AGAP1: variants seen among roughly 807,000 people sequenced by gnomAD.
AGAP1 encodes ArfGAP with GTPase domain, ankyrin repeat and PH domain 1, also known as arf-GAP with GTPase, ANK repeat and PH domain-containing protein 1.
AGAP1 carries 29 observed loss-of-function variants against 105.3 expected under a neutral mutation model. That is an observed-to-expected ratio of 0.28 (90% CI 0.21 to 0.38). The LOEUF (loss-of-function observed/expected upper bound fraction) is 0.38. AGAP1 is among the 10% of genes least tolerant of loss of function. The pLI, the probability that AGAP1 is intolerant of heterozygous loss-of-function variation, is 1.00. For missense variants in AGAP1, 998 were observed against 1,165.1 expected, an observed-to-expected ratio of 0.86 and a Z score of 2.09; for synonymous variants, 509 against 485.9, an observed-to-expected ratio of 1.05 and a Z score of -0.63.
At chr2:236,008,804 A>G (rs1425696537) in intron 13 of AGAP1, among the ~76,000 whole-genome samples, 2 of 152,238 alleles carry the variant, frequency 1.3e-5, no homozygotes, top group Admixed American at 6.5e-5. Context: ...TTTGCTGTAA[A>G]GAAAGAACCA....
rs1314195987 is a variant in AGAP1, at chr2:235,982,966, A to T, written c.1645+14343A>T. On this transcript the variant is annotated intron_variant, in intron 13 of 17. Coordinates refer to ENST00000304032, the MANE Select transcript of AGAP1 (RefSeq NM_001037131.3). The surrounding 1 kb of genome is among the most constrained non-coding windows in gnomAD (Gnocchi z 4.9). The stretch of plus-strand genomic sequence containing the variant: ...TAGGCCAAATCCAGTTCTTATTTTA[A>T]TTTTTTTTCCCAACCCCTAAAAAGC... 6.6e-6 allele frequency among the ~76,000 whole-genome samples: 1 copy of T among 151,794 alleles called. No individual in the cohort carries two copies. The highest frequency in any genetic ancestry group is 2.4e-5 in the African/African-American group (1 of 41,278).
chr2:235,763,050 GTA>G (rs202086519), intron 6 of AGAP1, among the ~76,000 whole-genome samples: 5 of 134,302 alleles, frequency 3.7e-5, no homozygotes, highest in African/African-American at 8.3e-5. Context: ...GTGTGTGTGT[GTA>G]TGTGTGCGCG....
intron 3 of AGAP1, among the ~76,000 whole-genome samples, chr2:235,735,669 T>A (rs916357889): frequency 2.0e-5 from 3 of 152,170 alleles, no homozygotes; most frequent in African/African-American, 7.2e-5. Context: ...TTGGTGGAAA[T>A]AACTCAGTTC....
chr2:235,693,248 A>C lies in AGAP1; in HGVS notation c.164-15931A>C, dbSNP rs531947214. Among the ~76,000 whole-genome samples, 3 of 152,244 alleles carry C rather than the reference A, an allele frequency of 2.0e-5. No homozygotes were observed. In the East Asian group the frequency reaches 5.8e-4, roughly 29 times the overall value. On this transcript the variant is annotated intron_variant, in intron 1 of 17. Coordinates refer to ENST00000304032, the MANE Select transcript of AGAP1 (RefSeq NM_001037131.3). ...CAGTGCAGTCTTTGCAAAGGGTTCA[A>C]GGGTCCTGAAGGTGGTGGCACTGTG...
intron 8 of AGAP1, among the ~76,000 whole-genome samples, chr2:235,802,465 G>A (rs929842967): frequency 8.8e-5 from 5 of 56,560 alleles, no homozygotes; most frequent in African/African-American, 3.8e-4. Flanking sequence ...ATCAGAAATT[G>A]AATCCAGCTG....
Position 235,962,238 on chromosome 2 carries a change from G to T in AGAP1, c.1484-6224G>T, listed in dbSNP as rs1003793484. On this transcript the variant is annotated intron_variant, in intron 12 of 17. Transcript: ENST00000304032. This position sits in a 1 kb window ranked among gnomAD's most constrained non-coding sequence, Gnocchi z 5.3. ...TGAAGGGCAGGCCAGAGGCCACTGAGGGGTACACTGACCACACAGAGGAGG... is the reference window on the plus strand; with the variant it reads ...TGAAGGGCAGGCCAGAGGCCACTGATGGGTACACTGACCACACAGAGGAGG... 3.3e-5 allele frequency among the ~76,000 whole-genome samples: 5 copies of T among 152,078 alleles called. No homozygotes were observed. The highest frequency in any genetic ancestry group is 6.6e-5 in the Admixed American group (1 of 15,264).
At chr2:235,757,711 G>A (rs996204731) in intron 6 of AGAP1, among the ~76,000 whole-genome samples, 4 of 152,140 alleles carry the variant, frequency 2.6e-5, no homozygotes, top group African/African-American at 4.8e-5. Flanking sequence ...AAGGTTGTGC[G>A]GGAAGTCAGG....
Position 235,517,934 on chromosome 2 carries a change from A to AC in AGAP1, c.163+23085_163+23086insC. Among the ~76,000 whole-genome samples the AC allele has an allele frequency of 1.2e-5, 1 of 83,818 alleles. No homozygotes were observed. Among genetic ancestry groups the AC allele is most frequent in the African/African-American group, 5.6e-5 (1 of 17,788 alleles). The allele number at this position is 83,818 out of a possible 152,430, so 55.0% of individuals were successfully genotyped here. A position where few individuals can be genotyped will look rare whatever the true frequency, so the allele number is the denominator to read the frequency against. ...GGTGACAGAGTGAGACTCCGTTTCA[A>AC]AAAAAAAAAAAAAGAAAAAAAAAAG... On this transcript the variant is annotated intron_variant, in intron 1 of 17. Transcript: ENST00000304032. This position sits in a 1 kb window ranked among gnomAD's most constrained non-coding sequence, Gnocchi z 4.1.
At chr2:235,807,100 C>T (rs1013618610) in intron 8 of AGAP1, 139 bp from the exon 9 acceptor site, 3 of 733,288 alleles carry the variant, frequency 4.1e-6, no homozygotes, top group East Asian at 5.7e-5. Flanking sequence ...GCTGTCTGCT[C>T]GTCGGACGTG....
Position 236,096,639 on chromosome 2 carries a change from C to T in AGAP1, c.2115-23553C>T, listed in dbSNP as rs1243202228. Among the ~76,000 whole-genome samples, 1 of 151,908 alleles carries T rather than the reference C, an allele frequency of 6.6e-6. No homozygotes were observed. Among genetic ancestry groups the T allele is most frequent in the Non-Finnish European group, 1.5e-5 (1 of 68,002 alleles). ...TGTCACCCAGGCTGGAGTGCAGTGGCATGATCTCATCTCACTGCAACCTCT... is the reference window on the plus strand; with the variant it reads ...TGTCACCCAGGCTGGAGTGCAGTGGTATGATCTCATCTCACTGCAACCTCT... On this transcript the variant is annotated intron_variant, in intron 16 of 17. Coordinates refer to ENST00000304032, the MANE Select transcript of AGAP1 (RefSeq NM_001037131.3). The surrounding 1 kb of genome is among the most constrained non-coding windows in gnomAD (Gnocchi z 4.4).
chr2:235,932,682 C>A (rs1447015774), intron 12 of AGAP1, among the ~76,000 whole-genome samples: 1 of 152,196 alleles, frequency 6.6e-6, no homozygotes, highest in Non-Finnish European at 1.5e-5. Flanking sequence ...TCATCCTATA[C>A]AGATTTTCCT....
At position 235,799,458 on chromosome 2, in the gene AGAP1, C is replaced by A. The variant is rs771462060; in HGVS notation, c.893C>A (p.Pro298His). ...TSQKELRIDV[P>H]PTANTPTPVR... is the part of the protein sequence containing the mutation. ...CAGAAGGAACTTCGGATCGATGTTC[C>A]TCCCACTGCCAACACGCCCACGCCC... Residue 298 changes from proline to histidine, a missense_variant, in exon 8 of 18, where the codon CCT (proline) becomes CAT (histidine). Coordinates refer to ENST00000304032, the MANE Select transcript of AGAP1 (RefSeq NM_001037131.3). This position sits in a 1 kb window ranked among gnomAD's most constrained non-coding sequence, Gnocchi z 5.0. 1 of 1,614,198 alleles carries A rather than the reference C, an allele frequency of 6.2e-7. No individual in the cohort carries two copies. Among genetic ancestry groups the A allele is most frequent in the Non-Finnish European group, 8.5e-7 (1 of 1,180,034 alleles).
rs1191497961 is a variant in AGAP1 at position 235,608,250 on chromosome 2, A to C, written c.164-100929A>C. On this transcript the variant is annotated intron_variant, in intron 1 of 17. Coordinates refer to ENST00000304032, the MANE Select transcript of AGAP1 (RefSeq NM_001037131.3). The surrounding 1 kb of genome is among the most constrained non-coding windows in gnomAD (Gnocchi z 5.4). The stretch of plus-strand genomic sequence containing the variant: ...ATCTTGCAGGGAAAGTGTGTTGGCA[A>C]ACATGCTGGATACTGTCAGAATCAG... Among the ~76,000 whole-genome samples the C allele has an allele frequency of 6.6e-6, 1 of 152,194 alleles. No homozygotes were observed. Among genetic ancestry groups the C allele is most frequent in the Non-Finnish European group, 1.5e-5 (1 of 68,038 alleles).
chr2:235,910,286 G>GGGCAGTCACTGAGCTGGTTACTTC (rs2051537777), intron 11 of AGAP1, among the ~76,000 whole-genome samples: 1 of 7,686 alleles, frequency 1.3e-4, no homozygotes, highest in Non-Finnish European at 2.2e-4. Flanking sequence ...TGCCTGTGTT[G>GGGCAGTCACTGAGCTGGTTACTTC]CAGGGGGGCG....
chr2:235,667,131 T>C (rs1948152289), intron 1 of AGAP1, among the ~76,000 whole-genome samples: 3 of 152,204 alleles, frequency 2.0e-5, no homozygotes, highest in Admixed American at 1.3e-4. Flanking sequence ...TAGCTGTCTC[T>C]GGGATTATCG....
intron 1 of AGAP1, among the ~76,000 whole-genome samples, chr2:235,525,526 GGAGGACTGATTTATAAAGTA>G (rs1488767215): frequency 9.9e-5 from 15 of 150,916 alleles, no homozygotes; most frequent in African/African-American, 2.5e-4. Flanking sequence ...TACATAATGT[GGAGGACTGATTTATAAAGTA>G]GAGGACTGAT....
At chr2:236,111,649 A>T (rs1306776039) in intron 16 of AGAP1, among the ~76,000 whole-genome samples, 2 of 151,918 alleles carry the variant, frequency 1.3e-5, no homozygotes, top group Non-Finnish European at 1.5e-5. Context: ...AAAATTAGCC[A>T]AGCATGGTGG....
rs917999330 is a variant in AGAP1, at chr2:235,867,249, G to A, written c.1051-16096G>A. Among the ~76,000 whole-genome samples the A allele has an allele frequency of 5.3e-5, 8 of 152,178 alleles. No individual in the cohort carries two copies. Among genetic ancestry groups the A allele is most frequent in the African/African-American group, 1.9e-4 (8 of 41,436 alleles). On this transcript the variant is annotated intron_variant, in intron 9 of 17. Coordinates refer to ENST00000304032, the MANE Select transcript of AGAP1 (RefSeq NM_001037131.3). The surrounding 1 kb of genome is among the most constrained non-coding windows in gnomAD (Gnocchi z 5.4). ...TCTTCTATAAAAGGCTGGAGAGGAG[G>A]TATGTTAGGCTTCATGGGTCGTGTG...
At chr2:235,653,478 A>T (rs952028914) in intron 1 of AGAP1, among the ~76,000 whole-genome samples, 1 of 115,994 alleles carries the variant, frequency 8.6e-6, no homozygotes, top group Non-Finnish European at 1.8e-5. Flanking sequence ...AATAAATAAA[A>T]TAAAATAAAA....
Sources: allele counts gnomAD v4.1 joint callset (sites outside exome capture counted in the v4.1 genomes callset), GRCh38; gene constraint gnomAD v4.1.1; non-coding constraint Gnocchi (gnomAD v3.1); transcripts MANE v1.5; gene names NCBI Gene and HGNC (gene_info 2026-07-23, HGNC 2026-07-21).